The following SHC3 variants were observed in gnomAD, a reference collection of about 807,000 sequenced individuals.
SHC3 encodes SHC adaptor protein 3.
Under a neutral mutation model 60.4 loss-of-function variants are expected in SHC3, and 15 were observed. The ratio of observed to expected loss-of-function variants is 0.25; its 90% confidence interval spans 0.17 to 0.38. The LOEUF (loss-of-function observed/expected upper bound fraction) is 0.38. Among genes scored for constraint, SHC3 ranks in the 10% least tolerant of loss-of-function variants. The probability of loss-of-function intolerance (pLI) is 1.00; values close to 1 mark genes in which losing one functional copy is unlikely to be tolerated. For synonymous variants in SHC3, 294 were observed against 325.9 expected (o/e 0.90, Z 1.05); for missense variants, 677 against 786.1 (o/e 0.86, Z 1.66).
chr9:89,071,044 G>A (rs1214335938), intron 5 of SHC3, among the ~76,000 whole-genome samples, 155 bp downstream of exon 5: 1 of 152,010 alleles, frequency 6.6e-6, no homozygotes, highest in East Asian at 1.9e-4. Context: ...ATAAAACGAT[G>A]GCCAAGAAGA....
rs563058354 is a variant in SHC3, at chr9:89,159,010, G to A, written c.474+18977C>T. ...GTAGTCAAGTGGACCATAGCATATA[G>A]TAGGGGGTAGAAGTGTGCAGGGTAG... On this transcript the variant is annotated intron_variant, in intron 1 of 11. Coordinates refer to ENST00000375835, the MANE Select transcript of SHC3 (RefSeq NM_016848.6). 1.1e-4 allele frequency among the ~76,000 whole-genome samples: 16 copies of A among 152,334 alleles called. 1 individual carries two copies. Among genetic ancestry groups the A allele is most frequent in the Middle Eastern group, 6.8e-3 (2 of 294 alleles).
intron 11 of SHC3, among the ~76,000 whole-genome samples, chr9:89,037,751 G>A (rs779534907): frequency 1.3e-5 from 2 of 152,228 alleles, no homozygotes; most frequent in Non-Finnish European, 2.9e-5. Context: ...TAAAAGTCAA[G>A]GCTTTCAGCC....
At position 89,037,822 on chromosome 9, in the gene SHC3, C is replaced by A. The variant is rs142706946; in HGVS notation, c.1656+171G>T. On this transcript the variant is annotated intron_variant, in intron 11 of 11. Coordinates refer to ENST00000375835, the MANE Select transcript of SHC3 (RefSeq NM_016848.6). ...GGGCCCTGACCACTGGCTCCTGGCT[C>A]CTGGCTCTGGCCTGATGACAGGAGT... 5.7e-3 allele frequency among the ~76,000 whole-genome samples: 869 copies of A among 152,348 alleles called. 6 individuals carry two copies. Among genetic ancestry groups the A allele is most frequent in the Non-Finnish European group, 8.4e-3 (571 of 68,032 alleles).
chr9:89,102,907 G>T (rs578081617), intron 2 of SHC3, among the ~76,000 whole-genome samples: 1 of 152,284 alleles, frequency 6.6e-6, no homozygotes, highest in East Asian at 1.9e-4. Context: ...GTCTCCAGAT[G>T]AATACGAACA....
At position 89,005,812 on chromosome 9, in the gene SHC3, A is replaced by G. The variant is rs1461118006; in HGVS notation, c.*7635T>C. 1 of 152,248 alleles carries G rather than the reference A, an allele frequency of 6.6e-6. No individual in the cohort carries two copies. The highest frequency in any genetic ancestry group is 1.5e-5 in the Non-Finnish European group (1 of 68,042). 9.4% of individuals were successfully genotyped at this position (152,248 alleles called of 1,614,324 possible). ...CTTTATTGCCTGCAGACTTACATGT[A>G]TAGTCCTTTAAACAATTAACTGTTT... On this transcript the variant is annotated 3_prime_UTR_variant, in exon 12 of 12. Transcript: ENST00000375835.
chr9:89,075,273 C>A, intron 3 of SHC3, 45 bp from the exon 4 acceptor site: 1 of 1,603,708 alleles, frequency 6.2e-7, no homozygotes, highest in Non-Finnish European at 8.5e-7. Context: ...ATTTCCATCT[C>A]AAAGGGTGGG....
At chr9:89,018,287 C>G (rs190092568) in intron 11 of SHC3, among the ~76,000 whole-genome samples, 3 of 143,884 alleles carry the variant, frequency 2.1e-5, no homozygotes, top group South Asian at 4.8e-4. Context: ...GTGGCATATA[C>G]ACCATGGAAT....
chr9:89,127,779 A>ACCC (rs199506968), intron 1 of SHC3, among the ~76,000 whole-genome samples: 9 of 144,646 alleles, frequency 6.2e-5, no homozygotes, highest in African/African-American at 2.0e-4. Context: ...TCCCCACTCC[A>ACCC]CCCCCCCCCA....
At position 89,008,127 on chromosome 9, in the gene SHC3, A is replaced by G. The variant is rs1214493089; in HGVS notation, c.*5320T>C. ...TAAAGTTGCAATTTTTCTGGCTGCT[A>G]TAAAATGTGCCAGTTTTAAAACTGT... On this transcript the variant is annotated 3_prime_UTR_variant, in exon 12 of 12. Coordinates refer to ENST00000375835, the MANE Select transcript of SHC3 (RefSeq NM_016848.6). The G allele has an allele frequency of 6.6e-6, 1 of 152,270 alleles. No homozygotes were observed. The highest frequency in any genetic ancestry group is 1.5e-5 in the Non-Finnish European group (1 of 68,048). 9.4% of individuals were successfully genotyped at this position (152,270 alleles called of 1,614,324 possible). A position where few individuals can be genotyped will look rare whatever the true frequency, so the allele number is the denominator to read the frequency against.
intron 1 of SHC3, among the ~76,000 whole-genome samples, chr9:89,142,655 G>A (rs1168580499): frequency 2.8e-5 from 4 of 144,108 alleles, no homozygotes; most frequent in African/African-American, 7.7e-5. Flanking sequence ...CAGCCTGGGC[G>A]ACAGAGTGAG....
At chr9:89,049,650 C>A (rs1202112039) in intron 7 of SHC3, among the ~76,000 whole-genome samples, 1 of 152,170 alleles carries the variant, frequency 6.6e-6, no homozygotes, top group Non-Finnish European at 1.5e-5. Context: ...CTAAAGCTAC[C>A]TCCTTACGTA....
intron 1 of SHC3, among the ~76,000 whole-genome samples, chr9:89,116,191 AC>A (rs1226001016): frequency 6.6e-6 from 1 of 152,198 alleles, no homozygotes; most frequent in Non-Finnish European, 1.5e-5. Flanking sequence ...TGTAAATACC[AC>A]AACCATGAGT....
chr9:89,038,563 G>T (rs1025413707), intron 10 of SHC3, among the ~76,000 whole-genome samples: 1 of 152,184 alleles, frequency 6.6e-6, no homozygotes, highest in African/African-American at 2.4e-5. Flanking sequence ...AAGGAGTCAA[G>T]CACACCCTTT....
At chr9:89,078,015 GA>G (rs775733522) in intron 2 of SHC3, 112 bp from the exon 3 acceptor site, 2 of 1,272,648 alleles carry the variant, frequency 1.6e-6, no homozygotes, top group Non-Finnish European at 2.2e-6. Context: ...TTTCAGTATA[GA>G]AAACAGAGCT....
intron 2 of SHC3, among the ~76,000 whole-genome samples, chr9:89,096,792 G>A (rs905743910): frequency 2.6e-5 from 4 of 152,198 alleles, no homozygotes; most frequent in Non-Finnish European, 4.4e-5. Context: ...AGGTCAGAGA[G>A]GCTGCTCATC....
chr9:89,169,497 G>A (rs1826838016), intron 1 of SHC3, among the ~76,000 whole-genome samples: 2 of 152,154 alleles, frequency 1.3e-5, no homozygotes, highest in Non-Finnish European at 2.9e-5. Context: ...ACATTTGTAA[G>A]TTCATTCCTG....
intron 2 of SHC3, among the ~76,000 whole-genome samples, chr9:89,080,734 AATATATAT>A (rs10591505): frequency 4.5e-5 from 6 of 132,090 alleles, no homozygotes; most frequent in African/African-American, 5.7e-5. Flanking sequence ...AACTAGGAAG[AATATATAT>A]ATATATATAT....
At chr9:89,122,429 C>A (rs557375882) in intron 1 of SHC3, among the ~76,000 whole-genome samples, 18 of 152,332 alleles carry the variant, frequency 1.2e-4, no homozygotes, top group African/African-American at 4.3e-4. Flanking sequence ...TCTAAATTGT[C>A]TACCAAATGC....
chr9:89,033,300 C>A (rs1207904561), intron 11 of SHC3, among the ~76,000 whole-genome samples: 2 of 152,014 alleles, frequency 1.3e-5, no homozygotes, highest in Non-Finnish European at 2.9e-5. Context: ...ATTCAATAAT[C>A]TTTGTTCTAT....
Sources: gnomAD v4.1 joint callset for allele counts (sites outside exome capture counted in the v4.1 genomes callset) on GRCh38, gnomAD v4.1.1 for gene constraint, MANE v1.5 for transcripts, NCBI Gene and HGNC (gene_info 2026-07-23, HGNC 2026-07-21) for gene names.